The following UGT1A8 variants were observed in gnomAD, a reference collection of about 807,000 sequenced individuals.
UGT1A8 encodes the protein UDP glucuronosyltransferase family 1 member A8, also known as UDP-glucuronosyltransferase 1A8.
In UGT1A8, 39 loss-of-function variants were observed where a neutral mutation model predicts 45.3. The ratio of observed to expected loss-of-function variants is 0.86; its 90% CI spans 0.67 to 1.12. UGT1A8 has a LOEUF of 1.12. Among genes scored for constraint, UGT1A8 ranks in the 50% most tolerant of loss-of-function variants. The pLI, the probability that UGT1A8 is intolerant of heterozygous loss-of-function variation, is 0.00. For missense variants in UGT1A8, 719 were observed against 664.9 expected, an observed-to-expected ratio of 1.08 and a Z score of -0.90; for synonymous variants, 275 against 249.2, an observed-to-expected ratio of 1.10 and a Z score of -0.97.
intron 1 of UGT1A8, chr2:233,761,144 T>A: frequency 6.2e-7 from 1 of 1,614,254 alleles, no homozygotes; most frequent in Non-Finnish European, 8.5e-7. Flanking sequence ...CAAAATCCAC[T>A]ATCCCAGGTG....
rs922609879 is a variant in UGT1A8 at position 233,659,552 on chromosome 2, C to T, written c.855+40990C>T. 3.9e-5 allele frequency among the ~76,000 whole-genome samples: 6 copies of T among 152,196 alleles called. No homozygotes were observed. The Middle Eastern group carries it at 0.01, about 259-fold the overall frequency. On this transcript the variant is annotated intron_variant, in intron 1 of 4. Coordinates refer to ENST00000373450, the MANE Select transcript of UGT1A8 (RefSeq NM_019076.5). The stretch of plus-strand genomic sequence containing the variant: ...AGATCTTCCTTTTGATTGTCCTCCA[C>T]TGAGTAGGCTGAGGAGGAAGAGGAG...
chr2:233,710,202 T>C (rs1002766635), intron 1 of UGT1A8, among the ~76,000 whole-genome samples: 1 of 152,262 alleles, frequency 6.6e-6, no homozygotes, highest in African/African-American at 2.4e-5. Context: ...TTTCCAGTTG[T>C]TGGCTATTAT....
At chr2:233,717,883 G>T (rs778761780) in intron 1 of UGT1A8, 1 of 454,838 alleles carries the variant, frequency 2.2e-6, no homozygotes, top group East Asian at 6.9e-5. Context: ...GAAAAGCCTG[G>T]CCATAATCTT....
chr2:233,648,357 T>A, intron 1 of UGT1A8: 1 of 420,808 alleles, frequency 2.4e-6, no homozygotes. Flanking sequence ...TACTTTGACA[T>A]TACCTTGAAG....
intron 1 of UGT1A8, among the ~76,000 whole-genome samples, chr2:233,726,499 G>A (rs2077536010): frequency 6.6e-6 from 1 of 151,996 alleles, no homozygotes; most frequent in Non-Finnish European, 1.5e-5. Context: ...TATTAATTTT[G>A]GAATTTCATG....
At chr2:233,692,837 T>C in intron 1 of UGT1A8, 1 of 1,449,168 alleles carries the variant, frequency 6.9e-7, no homozygotes, top group South Asian at 1.5e-5. Context: ...ATTAAAATGG[T>C]TAAATATTAA....
chr2:233,730,580 A>G (rs954835717), intron 1 of UGT1A8, among the ~76,000 whole-genome samples: 1 of 152,190 alleles, frequency 6.6e-6, no homozygotes, highest in Admixed American at 6.5e-5. Flanking sequence ...TTCAGTTTCC[A>G]GACAGGGATC....
intron 1 of UGT1A8, among the ~76,000 whole-genome samples, chr2:233,670,047 T>G (rs6731242): frequency 0.18 from 28,011 of 152,170 alleles, 2,738 homozygotes; most frequent in African/African-American, 0.24. Context: ...ACTAGAAGCC[T>G]TACCAATAAC....
At chr2:233,692,353 G>A (rs13015720) in intron 1 of UGT1A8, 60,428 of 154,122 alleles carry the variant, frequency 0.39, 12,046 homozygotes, top group South Asian at 0.45. Flanking sequence ...CTTCAGTTCT[G>A]TGAGCCATTC....
At chr2:233,737,546 G>C (rs1575619302) in intron 1 of UGT1A8, among the ~76,000 whole-genome samples, 1 of 152,122 alleles carries the variant, frequency 6.6e-6, no homozygotes, top group Non-Finnish European at 1.5e-5. Flanking sequence ...GCTTCGGCTT[G>C]CCCTCAGTGG....
intron 1 of UGT1A8, among the ~76,000 whole-genome samples, chr2:233,720,012 A>G (rs1319235409): frequency 1.3e-5 from 2 of 152,206 alleles, no homozygotes; most frequent in East Asian, 1.9e-4. Context: ...GAACTGATCC[A>G]TCCTGGGGTT....
intron 1 of UGT1A8, among the ~76,000 whole-genome samples, chr2:233,686,765 A>G (rs926111347): frequency 6.6e-6 from 1 of 151,996 alleles, no homozygotes; most frequent in Non-Finnish European, 1.5e-5. Flanking sequence ...GCTTTATTTT[A>G]TGCAACACTC....
At chr2:233,730,586 G>A (rs2078050719) in intron 1 of UGT1A8, among the ~76,000 whole-genome samples, 1 of 152,116 alleles carries the variant, frequency 6.6e-6, no homozygotes, top group Admixed American at 6.6e-5. Context: ...TTCCAGACAG[G>A]GATCTGTGCT....
At position 233,712,486 on chromosome 2, in the gene UGT1A8, G is replaced by A. The variant is rs575970867; in HGVS notation, c.856-54548G>A. Among the ~76,000 whole-genome samples, 6 of 152,296 alleles carry A rather than the reference G, an allele frequency of 3.9e-5. No homozygotes were observed. In the South Asian group the frequency reaches 1.2e-3, roughly 32 times the overall value. Reference sequence around the variant, plus strand: ...CCTCCCCACTCCCTGTTTAAAGAAAGCTGGCTTAGCAATGTTGTCTGCATT... The same window carrying A: ...CCTCCCCACTCCCTGTTTAAAGAAAACTGGCTTAGCAATGTTGTCTGCATT... On this transcript the variant is annotated intron_variant, in intron 1 of 4. Coordinates refer to ENST00000373450, the MANE Select transcript of UGT1A8 (RefSeq NM_019076.5).
chr2:233,637,228 C>T (rs772176051), intron 1 of UGT1A8: 2 of 1,613,926 alleles, frequency 1.2e-6, no homozygotes, highest in South Asian at 1.1e-5. Context: ...TGAAATTCTC[C>T]AAACCCCTGT....
In UGT1A8 at chr2:233,768,412, C is replaced by T. The variant is rs756044146; in HGVS notation, c.1268C>T (p.Ala423Val). The change falls in exon 4 of 5, where the codon GCT becomes GTT. Residue 423 changes from alanine to valine, a missense_variant. By Grantham distance (64) the Ala-to-Val change is moderately conservative. Transcript: ENST00000373450. The stretch of plus-strand genomic sequence containing the variant: ...ATGACTTCTGAAGATTTAGAAAATG[C>T]TCTAAAAGCAGTCATCAATGACAAA... ...LEMTSEDLEN[A>V]LKAVINDKSY... 8.1e-6 allele frequency: 13 copies of T among 1,614,062 alleles called. No homozygotes were observed. Among genetic ancestry groups the T allele is most frequent in the Non-Finnish European group, 1.1e-5 (13 of 1,180,014 alleles).
chr2:233,667,773 A>G (rs954592427), intron 1 of UGT1A8, among the ~76,000 whole-genome samples: 3 of 152,226 alleles, frequency 2.0e-5, no homozygotes, highest in Non-Finnish European at 2.9e-5. Flanking sequence ...CAAAAGACAC[A>G]TGAAAAAATG....
At chr2:233,743,548 C>G in intron 1 of UGT1A8, 6 of 1,367,296 alleles carry the variant, frequency 4.4e-6, no homozygotes, top group Non-Finnish European at 5.9e-6. Flanking sequence ...CTGACCCCCC[C>G]AAAATATTCT....
intron 1 of UGT1A8, among the ~76,000 whole-genome samples, chr2:233,694,915 T>C (rs1391653118): frequency 6.6e-6 from 1 of 152,254 alleles, no homozygotes; most frequent in Non-Finnish European, 1.5e-5. Flanking sequence ...ACGTATACAA[T>C]GTGCGATGAT....
Sources: allele counts gnomAD v4.1 joint callset (sites outside exome capture counted in the v4.1 genomes callset), GRCh38; gene constraint gnomAD v4.1.1; transcripts MANE v1.5; gene names NCBI Gene and HGNC (gene_info 2026-07-23, HGNC 2026-07-21).